Variants in HECW2 observed in about 807,000 individuals in gnomAD.
HECW2 encodes the protein HECT, C2 and WW domain containing E3 ubiquitin protein ligase 2.
In HECW2, 61 loss-of-function variants were observed where a neutral mutation model predicts 175.2. That is an observed-to-expected ratio of 0.35 (90% CI 0.28 to 0.43). The LOEUF (loss-of-function observed/expected upper bound fraction) is 0.43, where lower values mean the gene tolerates loss of function less well. Ranked by LOEUF, HECW2 falls within the 20% of genes least tolerant of loss-of-function variation. HECW2 has a pLI of 1.00. For synonymous variants in HECW2, 671 were observed against 731.0 expected, an observed-to-expected ratio of 0.92 and a Z score of 1.32; for missense variants, 1,524 against 2,000.5, an observed-to-expected ratio of 0.76 and a Z score of 4.54.
intron 1 of HECW2, among the ~76,000 whole-genome samples, chr2:196,588,831 C>G (rs763479192): frequency 6.6e-6 from 1 of 152,128 alleles, no homozygotes; most frequent in Non-Finnish European, 1.5e-5. Flanking sequence ...AATGCCCCTT[C>G]CAGTTAGTAC....
chr2:196,435,919 T>C (rs1166860579), intron 1 of HECW2, among the ~76,000 whole-genome samples: 3 of 152,238 alleles, frequency 2.0e-5, no homozygotes, highest in Admixed American at 1.3e-4. Flanking sequence ...TGTGACTACA[T>C]TCTACTTTAA....
At chr2:196,503,699 A>G (rs972972431) in intron 1 of HECW2, among the ~76,000 whole-genome samples, 21 of 152,290 alleles carry the variant, frequency 1.4e-4, no homozygotes, top group Admixed American at 5.2e-4. Flanking sequence ...GGGGAGAGAA[A>G]AAACAAGAAA....
chr2:196,500,563 T>A (rs1687546137), intron 1 of HECW2, among the ~76,000 whole-genome samples: 1 of 150,868 alleles, frequency 6.6e-6, no homozygotes, highest in Non-Finnish European at 1.5e-5. Flanking sequence ...CAAAAACATT[T>A]TGCAGACTGA....
chr2:196,501,940 T>G (rs554937673), intron 1 of HECW2, among the ~76,000 whole-genome samples: 40 of 152,352 alleles, frequency 2.6e-4, no homozygotes, highest in Non-Finnish European at 4.9e-4. Flanking sequence ...AGACACAGGA[T>G]GAATCTCACT....
At chr2:196,242,422 C>T (rs986821694) in intron 19 of HECW2, 2 of 555,154 alleles carry the variant, frequency 3.6e-6, no homozygotes, top group Admixed American at 3.3e-5. Flanking sequence ...AATAAAAATT[C>T]TGTTTGAATA....
intron 1 of HECW2, among the ~76,000 whole-genome samples, chr2:196,566,976 G>GC (rs1172811668): frequency 6.6e-6 from 1 of 152,058 alleles, no homozygotes; most frequent in Non-Finnish European, 1.5e-5. Flanking sequence ...TTCTTTCCTA[G>GC]TAACAGCATT....
At chr2:196,205,331 G>T (rs1687029964) in intron 28 of HECW2, among the ~76,000 whole-genome samples, 1 of 152,098 alleles carries the variant, frequency 6.6e-6, no homozygotes, top group African/African-American at 2.4e-5. Flanking sequence ...CTGAAAGCGG[G>T]GAGATTAATG....
chr2:196,449,532 C>T (rs993446557), intron 1 of HECW2, among the ~76,000 whole-genome samples: 1 of 152,134 alleles, frequency 6.6e-6, no homozygotes, highest in Non-Finnish European at 1.5e-5. Flanking sequence ...TTTAGTGAGT[C>T]AAATTATTTT....
intron 1 of HECW2, among the ~76,000 whole-genome samples, chr2:196,512,117 C>G (rs1465781302): frequency 6.6e-6 from 1 of 152,188 alleles, no homozygotes; most frequent in African/African-American, 2.4e-5. Context: ...GTGTGAAAGA[C>G]CTGTGGAGAC....
intron 13 of HECW2, among the ~76,000 whole-genome samples, chr2:196,302,042 T>C (rs1317809295): frequency 6.6e-6 from 1 of 152,220 alleles, no homozygotes; most frequent in Admixed American, 6.5e-5. Context: ...CTTTAGTCCA[T>C]CTTGAGTTAA....
intron 1 of HECW2, among the ~76,000 whole-genome samples, chr2:196,526,460 A>T (rs1438542050): frequency 2.0e-5 from 3 of 151,684 alleles, no homozygotes; most frequent in Non-Finnish European, 4.4e-5. Context: ...GATCGTCTGA[A>T]GCCTTCTTCT....
chr2:196,438,565 A>C (rs145287760), intron 1 of HECW2, among the ~76,000 whole-genome samples: 2 of 152,358 alleles, frequency 1.3e-5, no homozygotes, highest in African/African-American at 4.8e-5. Context: ...AGGTGCCTCC[A>C]CTTCCTTTTC....
intron 1 of HECW2, among the ~76,000 whole-genome samples, chr2:196,528,549 G>A (rs1688744986): frequency 6.6e-6 from 1 of 152,104 alleles, no homozygotes; most frequent in South Asian, 2.1e-4. Flanking sequence ...TGGTATCCTG[G>A]AATTATAATC....
intron 21 of HECW2, among the ~76,000 whole-genome samples, chr2:196,233,221 G>A (rs140978889): frequency 6.6e-6 from 1 of 152,202 alleles, no homozygotes; most frequent in East Asian, 1.9e-4. Flanking sequence ...AACTCTGGAC[G>A]ACGGGTGTGT....
intron 1 of HECW2, among the ~76,000 whole-genome samples, chr2:196,584,875 G>C (rs1690919469): frequency 6.6e-6 from 1 of 151,936 alleles, no homozygotes; most frequent in Non-Finnish European, 1.5e-5. Context: ...CTTCCAACTA[G>C]GTTTTTTCAT....
intron 1 of HECW2, among the ~76,000 whole-genome samples, chr2:196,548,548 G>C (rs1689499643): frequency 6.6e-6 from 1 of 152,130 alleles, no homozygotes; most frequent in Admixed American, 6.6e-5. Context: ...AGTCACATGG[G>C]AAAGGTAGCT....
chr2:196,402,302 G>C (rs1694844218), intron 2 of HECW2, among the ~76,000 whole-genome samples: 1 of 151,480 alleles, frequency 6.6e-6, no homozygotes, highest in African/African-American at 2.4e-5. Context: ...TGATAATTGT[G>C]CAGCTATATA....
At chr2:196,528,596 A>G (rs1336213421) in intron 1 of HECW2, among the ~76,000 whole-genome samples, 2 of 152,214 alleles carry the variant, frequency 1.3e-5, no homozygotes, top group African/African-American at 4.8e-5. Context: ...GCTCCTTCAA[A>G]AGCAAAACAA....
chr2:196,322,675 A>C (rs1276012807), intron 6 of HECW2, 55 bp from the exon 7 acceptor site: 9 of 1,462,040 alleles, frequency 6.2e-6, no homozygotes, highest in Non-Finnish European at 8.5e-6. Flanking sequence ...ATATGATACT[A>C]TATCATTTTA....
Sources: allele counts gnomAD v4.1 joint callset (sites outside exome capture counted in the v4.1 genomes callset), GRCh38; gene constraint gnomAD v4.1.1; transcripts MANE v1.5; gene names NCBI Gene and HGNC (gene_info 2026-07-23, HGNC 2026-07-21).